Variants in RASAL2 observed in about 807,000 individuals in gnomAD.
RASAL2 encodes the protein RAS protein activator like 2.
In RASAL2, 58 loss-of-function variants were observed where a neutral mutation model predicts 128.9. The ratio of observed to expected loss-of-function variants is 0.45; its 90% CI spans 0.36 to 0.56. RASAL2 has a LOEUF of 0.56. Ranked by LOEUF, RASAL2 falls within the 20% of genes least tolerant of loss-of-function variation. RASAL2 has a pLI of 0.00. For synonymous variants in RASAL2, 561 were observed against 580.8 expected, an observed-to-expected ratio of 0.97 and a Z score of 0.49; for missense variants, 1,360 against 1,601.6, an observed-to-expected ratio of 0.85 and a Z score of 2.57.
intron 1 of RASAL2, among the ~76,000 whole-genome samples, chr1:178,136,756 CAAAAAAAAAAAAAAAA>C (rs397982072): frequency 1.5e-4 from 7 of 47,202 alleles, no homozygotes; most frequent in Non-Finnish European, 1.3e-4. Context: ...GACTCTGTCT[CAAAAAAAAAAAAAAAA>C]AAAAAAAAAA....
chr1:178,132,712 A>G (rs867051048), intron 1 of RASAL2, among the ~76,000 whole-genome samples: 2 of 151,850 alleles, frequency 1.3e-5, no homozygotes, highest in Non-Finnish European at 2.9e-5. Flanking sequence ...GATGTGTACC[A>G]TAACTGATTT....
chr1:178,458,863 G>A (rs751510404), intron 14 of RASAL2, among the ~76,000 whole-genome samples: 2 of 152,158 alleles, frequency 1.3e-5, no homozygotes, highest in African/African-American at 2.4e-5. Flanking sequence ...CTTAAAATCT[G>A]TAGGCAAAAC....
At chr1:178,311,370 G>T (rs564497009) in intron 3 of RASAL2, among the ~76,000 whole-genome samples, 1 of 151,794 alleles carries the variant, frequency 6.6e-6, no homozygotes, top group East Asian at 1.9e-4. Flanking sequence ...CTATGAAGAA[G>T]GCTAAAAATG....
intron 3 of RASAL2, among the ~76,000 whole-genome samples, chr1:178,301,243 A>C (rs535568523): frequency 2.0e-5 from 3 of 152,136 alleles, no homozygotes; most frequent in Admixed American, 6.6e-5. Context: ...TATTTCCACT[A>C]TACTTCTTTA....
chr1:178,410,569 A>T (rs1243462813), intron 4 of RASAL2, among the ~76,000 whole-genome samples: 2 of 152,158 alleles, frequency 1.3e-5, no homozygotes, highest in Non-Finnish European at 2.9e-5. Flanking sequence ...AAGAGATCAG[A>T]ATCAATAAAC....
chr1:178,369,498 C>T (rs1671587309), intron 3 of RASAL2, among the ~76,000 whole-genome samples: 1 of 151,790 alleles, frequency 6.6e-6, no homozygotes, highest in African/African-American at 2.4e-5. Flanking sequence ...GCTGGGATTA[C>T]AGGCATGAGC....
intron 3 of RASAL2, among the ~76,000 whole-genome samples, chr1:178,339,082 T>C (rs1557912893): frequency 1.3e-5 from 2 of 152,208 alleles, no homozygotes; most frequent in Non-Finnish European, 1.5e-5. Context: ...TTAGCATAAC[T>C]TGAGGACAGG....
chr1:178,322,043 G>A (rs1668814863), intron 3 of RASAL2, among the ~76,000 whole-genome samples: 1 of 151,636 alleles, frequency 6.6e-6, no homozygotes, highest in Non-Finnish European at 1.5e-5. Flanking sequence ...GTGTTGCCCA[G>A]GCTGGTCTCA....
intron 3 of RASAL2, among the ~76,000 whole-genome samples, chr1:178,324,402 C>T (rs1183333066): frequency 1.3e-5 from 2 of 150,948 alleles, no homozygotes; most frequent in African/African-American, 4.9e-5. Context: ...CAGAGCAAGA[C>T]TCGATCTCTA....
chr1:178,231,929 T>G (rs1189406119), intron 1 of RASAL2, among the ~76,000 whole-genome samples: 1 of 152,164 alleles, frequency 6.6e-6, no homozygotes, highest in Non-Finnish European at 1.5e-5. Flanking sequence ...AATGCAGTTA[T>G]TGGTTGATGA....
At chr1:178,184,070 G>A (rs1301327443) in intron 1 of RASAL2, among the ~76,000 whole-genome samples, 2 of 152,038 alleles carry the variant, frequency 1.3e-5, no homozygotes, top group East Asian at 3.9e-4. Context: ...ATCATTTTTT[G>A]TATGCATATT....
intron 8 of RASAL2, among the ~76,000 whole-genome samples, chr1:178,444,047 A>G (rs932719139): frequency 1.3e-5 from 2 of 152,242 alleles, no homozygotes; most frequent in South Asian, 2.1e-4. Context: ...TCTGGCTTCT[A>G]TGGATTATAA....
intron 1 of RASAL2, among the ~76,000 whole-genome samples, chr1:178,173,040 T>A (rs1661756469): frequency 6.6e-6 from 1 of 152,134 alleles, no homozygotes; most frequent in Admixed American, 6.6e-5. Flanking sequence ...TTCACCTATG[T>A]GCATGTGTGG....
At chr1:178,292,204 G>C (rs1557881218) in intron 2 of RASAL2, among the ~76,000 whole-genome samples, 1 of 152,100 alleles carries the variant, frequency 6.6e-6, no homozygotes, top group Non-Finnish European at 1.5e-5. Flanking sequence ...GGTGTTTATT[G>C]CTGTGTTAAA....
chr1:178,283,252 C>T (rs369065196), intron 1 of RASAL2, among the ~76,000 whole-genome samples: 5 of 152,210 alleles, frequency 3.3e-5, no homozygotes, highest in African/African-American at 7.2e-5. Context: ...GTATTTTAAA[C>T]GATACTGGTT....
chr1:178,212,615 C>T (rs1378854695), intron 1 of RASAL2, among the ~76,000 whole-genome samples: 1 of 152,018 alleles, frequency 6.6e-6, no homozygotes, highest in Non-Finnish European at 1.5e-5. Flanking sequence ...CCTCAGCCTC[C>T]CGAGTAGGTG....
chr1:178,114,127 G>A (rs1386675850), intron 1 of RASAL2, among the ~76,000 whole-genome samples: 2 of 151,386 alleles, frequency 1.3e-5, no homozygotes, highest in East Asian at 1.9e-4. Flanking sequence ...GGATCATATT[G>A]TCTGCAAATA....
chr1:178,361,299 A>T (rs144492652), intron 3 of RASAL2, among the ~76,000 whole-genome samples: 264 of 152,300 alleles, frequency 1.7e-3, no homozygotes, highest in African/African-American at 6.0e-3. Context: ...TTCAATCAGA[A>T]GTGTTTTCTG....
chr1:178,096,083 T>G (rs1347287697), intron 1 of RASAL2, among the ~76,000 whole-genome samples: 10 of 152,180 alleles, frequency 6.6e-5, no homozygotes, highest in Non-Finnish European at 1.3e-4. Context: ...GCAAATTAGA[T>G]TAAAAACTTT....
Sources: gnomAD v4.1 joint callset for allele counts (sites outside exome capture counted in the v4.1 genomes callset) on GRCh38, gnomAD v4.1.1 for gene constraint, MANE v1.5 for transcripts, NCBI Gene and HGNC (gene_info 2026-07-23, HGNC 2026-07-21) for gene names.